LINGO2: variants seen among roughly 807,000 people sequenced by gnomAD.
LINGO2 encodes the protein leucine rich repeat and Ig domain containing 2.
LINGO2 carries 14 observed loss-of-function variants against 30.6 expected under a neutral mutation model. The observed-to-expected ratio is 0.46, with a 90% CI of 0.30 to 0.72. The LOEUF is 0.72. LINGO2 is among the 30% of genes least tolerant of loss of function. The probability of loss-of-function intolerance (pLI) is 0.07; values close to 1 mark genes in which losing one functional copy is unlikely to be tolerated. For synonymous variants in LINGO2, 317 were observed against 288.5 expected (o/e 1.10, Z -1.00); for missense variants, 729 against 751.7 (o/e 0.97, Z 0.35).
chr9:28,418,685 T>C (rs1823067287), intron 2 of LINGO2, among the ~76,000 whole-genome samples: 1 of 152,080 alleles, frequency 6.6e-6, no homozygotes, highest in Non-Finnish European at 1.5e-5. Flanking sequence ...ACCATTTAGA[T>C]TGGGGGCTTA....
Position 28,384,329 on chromosome 9 carries a change from CTATATATA to C in LINGO2, c.-278-11469_-278-11462del, listed in dbSNP as rs3064858. On this transcript the variant is annotated intron_variant, in intron 2 of 5. Coordinates refer to ENST00000379992, the Ensembl canonical transcript of LINGO2. ...ACTCCCTTCTTTTCCATGTTATGCA[CTATATATA>C]TATATATATATATGCCTGTGTATGT... is the stretch of plus-strand genomic sequence containing the variant. Among the ~76,000 whole-genome samples, 12 of 123,338 alleles carry C rather than the reference CTATATATA, an allele frequency of 9.7e-5. 1 individual carries two copies. Among genetic ancestry groups the C allele is most frequent in the Non-Finnish European group, 1.7e-4 (10 of 57,572 alleles). The allele number at this position is 123,338 out of a possible 152,430, so 80.9% of individuals were successfully genotyped here. A position where few individuals can be genotyped will look rare whatever the true frequency, so the allele number is the denominator to read the frequency against.
At chr9:28,425,231 G>T (rs1888813) in intron 2 of LINGO2, among the ~76,000 whole-genome samples, 136,239 of 147,682 alleles carry the variant, frequency 0.92, 62,904 homozygotes, top group East Asian at 1. Context: ...TTGCACATAA[G>T]TATATATTAC....
chr9:27,962,683 A>G (rs933045203), intron 5 of LINGO2, among the ~76,000 whole-genome samples: 2 of 152,200 alleles, frequency 1.3e-5, no homozygotes, highest in Admixed American at 1.3e-4. Context: ...TCTCAGTTTT[A>G]GCCCAGAAGG....
chr9:28,292,962 C>T lies in LINGO2; in HGVS notation c.-87+2246G>A, dbSNP rs139809466. Among the ~76,000 whole-genome samples, 9 of 151,572 alleles carry T rather than the reference C, an allele frequency of 5.9e-5. No homozygotes were observed. In the South Asian group the frequency reaches 6.3e-4, roughly 11 times the overall value. On this transcript the variant is annotated intron_variant, in intron 4 of 5. Transcript: ENST00000379992. ...ACTTTTTTTGTATTTTTAGTAGAGA[C>T]GGGGTTTCACCATGTTAGCCAGGAT...
the LINGO2 span, among the ~76,000 whole-genome samples, chr9:28,717,514 TAA>T: frequency 2.6e-5 from 4 of 151,976 alleles, no homozygotes; most frequent in Non-Finnish European, 1.5e-5. Flanking sequence ...CAGTAAACAA[TAA>T]AGACTAAAAC....
chr9:28,442,857 G>A (rs770506342), intron 2 of LINGO2, among the ~76,000 whole-genome samples: 1 of 152,114 alleles, frequency 6.6e-6, no homozygotes, highest in Non-Finnish European at 1.5e-5. Context: ...GGCACATGAA[G>A]CTTTTGGTAG....
intron 2 of LINGO2, among the ~76,000 whole-genome samples, chr9:28,375,842 C>T (rs529031191): frequency 6.6e-6 from 1 of 152,236 alleles, no homozygotes; most frequent in Admixed American, 6.5e-5. Context: ...GAGGTTGCTT[C>T]TGAGAGGAGA....
the LINGO2 span, among the ~76,000 whole-genome samples, chr9:29,132,215 G>T: frequency 5.9e-5 from 9 of 151,984 alleles, no homozygotes; most frequent in South Asian, 2.1e-4. Context: ...TTCCTCGAGG[G>T]GGGGAAATGA....
At chr9:28,485,097 T>A (rs1175257182) in intron 1 of LINGO2, among the ~76,000 whole-genome samples, 1 of 152,084 alleles carries the variant, frequency 6.6e-6, no homozygotes, top group Non-Finnish European at 1.5e-5. Context: ...CCATAATATT[T>A]CCTGGTAAGG....
intron 2 of LINGO2, among the ~76,000 whole-genome samples, chr9:28,459,826 T>G (rs1426006987): frequency 6.6e-6 from 1 of 152,146 alleles, no homozygotes; most frequent in Non-Finnish European, 1.5e-5. Flanking sequence ...CTTTGAAATT[T>G]AAAGTGAAGA....
At position 28,238,797 on chromosome 9, in the gene LINGO2, G is replaced by T. The variant is rs1413423915; in HGVS notation, c.-87+56411C>A. 1.4e-4 allele frequency among the ~76,000 whole-genome samples: 19 copies of T among 136,672 alleles called. No individual in the cohort carries two copies. In the Admixed American group the frequency reaches 1.5e-3, roughly 11 times the overall value. 89.7% of individuals were successfully genotyped at this position (136,672 alleles called of 152,430 possible). ...AGAAGAAATACTAAAAATAAGAACAGAAATAAATAAATTTGAAATGAAAAT... is the reference window on the plus strand; with the variant it reads ...AGAAGAAATACTAAAAATAAGAACATAAATAAATAAATTTGAAATGAAAAT... On this transcript the variant is annotated intron_variant, in intron 4 of 5. Transcript: ENST00000379992.
chr9:28,524,334 T>G (rs1403629030), intron 1 of LINGO2, among the ~76,000 whole-genome samples: 1 of 152,192 alleles, frequency 6.6e-6, no homozygotes, highest in Non-Finnish European at 1.5e-5. Context: ...TATAGGAGAA[T>G]ATGTTTGTAA....
chr9:28,110,624 T>C (rs1308910480), intron 4 of LINGO2, among the ~76,000 whole-genome samples: 1 of 151,976 alleles, frequency 6.6e-6, no homozygotes, highest in Admixed American at 6.6e-5. Flanking sequence ...TGCAGCCAAC[T>C]AACGTATGAA....
chr9:28,656,081 C>T (rs1038800814), intron 1 of LINGO2, among the ~76,000 whole-genome samples: 1 of 152,052 alleles, frequency 6.6e-6, no homozygotes, highest in African/African-American at 2.4e-5. Flanking sequence ...GGCAACACTG[C>T]ATTGGTTTCT....
At chr9:28,369,905 T>C (rs760095750) in intron 3 of LINGO2, among the ~76,000 whole-genome samples, 7 of 152,190 alleles carry the variant, frequency 4.6e-5, no homozygotes, top group Non-Finnish European at 8.8e-5. Context: ...TAATCTCTGC[T>C]TCTTTGACTG....
intron 1 of LINGO2, among the ~76,000 whole-genome samples, chr9:28,486,312 A>G (rs1289473392): frequency 6.6e-6 from 1 of 152,154 alleles, no homozygotes; most frequent in Non-Finnish European, 1.5e-5. Context: ...ACACACAAGA[A>G]AAGTAAATGT....
chr9:29,075,282 C>G, the LINGO2 span, among the ~76,000 whole-genome samples: 13 of 152,134 alleles, frequency 8.5e-5, no homozygotes, highest in Non-Finnish European at 1.9e-4. Flanking sequence ...GCAATTGTCC[C>G]CCTTTATGGA....
chr9:28,984,660 TAAG>T, the LINGO2 span, among the ~76,000 whole-genome samples: 3 of 152,034 alleles, frequency 2.0e-5, no homozygotes, highest in Admixed American at 6.6e-5. Flanking sequence ...AAAAAGCAGT[TAAG>T]AAATAAAAAT....
At chr9:28,997,499 C>T in the LINGO2 span, among the ~76,000 whole-genome samples, 1 of 151,764 alleles carries the variant, frequency 6.6e-6, no homozygotes, top group African/African-American at 2.4e-5. Context: ...TTCTGGGTGC[C>T]CCAGTAATAC....
Sources: allele counts gnomAD v4.1 joint callset (sites outside exome capture counted in the v4.1 genomes callset), GRCh38; gene constraint gnomAD v4.1.1; transcripts MANE v1.5; gene names NCBI Gene and HGNC (gene_info 2026-07-23, HGNC 2026-07-21).